Variants in OOSP2 observed in about 807,000 individuals in gnomAD.
The protein encoded by OOSP2 is oocyte secreted protein 2.
OOSP2 carries 7 observed loss-of-function variants against 13.4 expected under a neutral mutation model. The observed-to-expected ratio is 0.52, with a 90% CI of 0.30 to 0.98. The LOEUF is 0.98. Among genes scored for constraint, OOSP2 ranks in the 50% least tolerant of loss-of-function variants. The pLI, the probability that OOSP2 is intolerant of heterozygous loss-of-function variation, is 0.07. For synonymous variants in OOSP2, 75 were observed against 67.2 expected (o/e 1.12, Z -0.57); for missense variants, 184 against 188.5 (o/e 0.98, Z 0.14).
At chr11:60,043,951 G>T (rs963862690) in intron 2 of OOSP2, among the ~76,000 whole-genome samples, 2 of 152,120 alleles carry the variant, frequency 1.3e-5, no homozygotes, top group Non-Finnish European at 2.9e-5. Flanking sequence ...AATGTGGAAG[G>T]TCACCAATCT....
Position 60,047,170 on chromosome 11 carries a change from T to G in OOSP2, c.*97T>G. 1 of 980,456 alleles carries G rather than the reference T, an allele frequency of 1.0e-6. No individual in the cohort carries two copies. Among genetic ancestry groups the G allele is most frequent in the Non-Finnish European group, 1.5e-6 (1 of 657,670 alleles). The allele number at this position is 980,456 out of a possible 1,614,324, so 60.7% of individuals were successfully genotyped here. A position where few individuals can be genotyped will look rare whatever the true frequency, so the allele number is the denominator to read the frequency against. On this transcript the variant is annotated 3_prime_UTR_variant, in exon 4 of 4. Transcript: ENST00000278855. ...CAAAAATATAGTTGGTGTATATCTC[T>G]CCTTAAGTCTCTGGTTTCTAAAAAC... is the stretch of plus-strand genomic sequence containing the variant.
At position 60,043,512 on chromosome 11, in the gene OOSP2, C is replaced by G; in HGVS notation, c.108C>G (p.Ile36Met). The G allele has an allele frequency of 6.2e-7, 1 of 1,613,294 alleles. No homozygotes were observed. Among genetic ancestry groups the G allele is most frequent in the African/African-American group, 1.3e-5 (1 of 74,996 alleles). ...CSLDWLMVSV[I>M]PVAESRNLYI... is the part of the protein sequence containing the mutation. ...TGGACTGGTTGATGGTCTCAGTTAT[C>G]CCAGTTGCAGAAAGCAGAAATCTGT... The change falls in exon 2 of 4, where the codon ATC becomes ATG. Residue 36 changes from isoleucine (I) to methionine (M), a missense_variant. Coordinates refer to ENST00000278855, the MANE Select transcript of OOSP2 (RefSeq NM_173801.5).
At chr11:60,041,093 G>A (rs1477834222) in intron 1 of OOSP2, among the ~76,000 whole-genome samples, 1 of 152,176 alleles carries the variant, frequency 6.6e-6, no homozygotes, top group Non-Finnish European at 1.5e-5. Flanking sequence ...GAATCCAAAT[G>A]CTTGCCAGCT....
In OOSP2 at chr11:60,040,440, C is replaced by T; in HGVS notation, c.-20C>T. 1 of 1,514,240 alleles carries T rather than the reference C, an allele frequency of 6.6e-7. No homozygotes were observed. The highest frequency in any genetic ancestry group is 1.1e-5 in the South Asian group (1 of 89,150). 93.8% of individuals were successfully genotyped at this position (1,514,240 alleles called of 1,614,324 possible). A position where few individuals can be genotyped will look rare whatever the true frequency, so the allele number is the denominator to read the frequency against. On this transcript the variant is annotated 5_prime_UTR_variant, in exon 1 of 4. Coordinates refer to ENST00000278855, the MANE Select transcript of OOSP2 (RefSeq NM_173801.5). Reference sequence around the variant, plus strand: ...TCCTGAGTTGTCCTGTGCTGGAGGTCTGCTCAGACGAAGGTCTCCATGGCG... The same window carrying T: ...TCCTGAGTTGTCCTGTGCTGGAGGTTTGCTCAGACGAAGGTCTCCATGGCG...
chr11:60,042,375 C>T (rs1472049879), intron 1 of OOSP2, among the ~76,000 whole-genome samples: 1 of 152,206 alleles, frequency 6.6e-6, no homozygotes. Flanking sequence ...TAATGCAGGA[C>T]ATTTGCCTCT....
chr11:60,042,054 G>T (rs2134638517), intron 1 of OOSP2, among the ~76,000 whole-genome samples: 1 of 152,208 alleles, frequency 6.6e-6, no homozygotes, highest in East Asian at 1.9e-4. Context: ...GGGAGGCGGA[G>T]CTTGCAGTGA....
At chr11:60,046,854 C>A (rs1855014171) in intron 3 of OOSP2, 90 bp from the exon 4 acceptor site, 2 of 1,024,686 alleles carry the variant, frequency 2.0e-6, no homozygotes, top group South Asian at 1.3e-5. Context: ...AATGACTATT[C>A]TGTATATGAT....
At chr11:60,045,433 T>C (rs1002811117) in intron 3 of OOSP2, among the ~76,000 whole-genome samples, 8 of 152,092 alleles carry the variant, frequency 5.3e-5, no homozygotes, top group African/African-American at 1.9e-4. Flanking sequence ...TGAAGAACCT[T>C]GGAAACTATC....
chr11:60,044,432 T>C (rs1456136267), intron 2 of OOSP2, among the ~76,000 whole-genome samples: 1 of 152,238 alleles, frequency 6.6e-6, no homozygotes, highest in African/African-American at 2.4e-5. Context: ...AAGATGGCTG[T>C]AAGCGGCAGT....
At chr11:60,042,968 G>C (rs1370322008) in intron 1 of OOSP2, among the ~76,000 whole-genome samples, 1 of 151,418 alleles carries the variant, frequency 6.6e-6, no homozygotes, top group Non-Finnish European at 1.5e-5. Context: ...GCAGTGGCGC[G>C]ATCTTGGTTC....
chr11:60,047,138 T>C lies in OOSP2; in HGVS notation c.*65T>C, dbSNP rs1855019334. 1 of 1,383,444 alleles carries C rather than the reference T, an allele frequency of 7.2e-7. No homozygotes were observed. The highest frequency in any genetic ancestry group is 1.3e-5 in the South Asian group (1 of 74,944). 85.7% of individuals were successfully genotyped at this position (1,383,444 alleles called of 1,614,324 possible). The stretch of plus-strand genomic sequence containing the variant: ...TTTTGCAGGAAAACAGTTTCATTTT[T>C]TCATAGCAAAAATATAGTTGGTGTA... On this transcript the variant is annotated 3_prime_UTR_variant, in exon 4 of 4. Coordinates refer to ENST00000278855, the MANE Select transcript of OOSP2 (RefSeq NM_173801.5).
Position 60,046,078 on chromosome 11 carries a change from GTCTCTC to G in OOSP2, c.348-858_348-853del, listed in dbSNP as rs141999476. Among the ~76,000 whole-genome samples the G allele has an allele frequency of 7.5e-5, 11 of 146,288 alleles. No individual in the cohort carries two copies. The East Asian group carries it at 2.2e-3, about 30-fold the overall frequency. ...TGTCTTTGTCTGTCTCTCTCTGTCT[GTCTCTC>G]TCTCTCTGTCTCTGTCCCTGTCTCT... is the stretch of plus-strand genomic sequence containing the variant. On this transcript the variant is annotated intron_variant, in intron 3 of 3. Coordinates refer to ENST00000278855, the MANE Select transcript of OOSP2 (RefSeq NM_173801.5).
intron 1 of OOSP2, among the ~76,000 whole-genome samples, chr11:60,042,384 C>T (rs1854947078): frequency 6.6e-6 from 1 of 152,214 alleles, no homozygotes; most frequent in South Asian, 2.1e-4. Context: ...ACATTTGCCT[C>T]TACACCTTTT....
chr11:60,046,670 G>A lies in OOSP2; in HGVS notation c.348-274G>A, dbSNP rs1385229392. ...CTGGGTACATTGGTACTCTTCTAATGCAAGCATCACAAATTATCTAAGACC... is the reference window on the plus strand; with the variant it reads ...CTGGGTACATTGGTACTCTTCTAATACAAGCATCACAAATTATCTAAGACC... On this transcript the variant is annotated intron_variant, in intron 3 of 3. Transcript: ENST00000278855. 4 of 544,438 alleles carry A rather than the reference G, an allele frequency of 7.3e-6. No homozygotes were observed. In the East Asian group the frequency reaches 1.4e-4, roughly 18 times the overall value. 33.7% of individuals were successfully genotyped at this position (544,438 alleles called of 1,614,324 possible).
chr11:60,043,521 A>G lies in OOSP2; in HGVS notation c.117A>G (p.Ala39=). ...TGATGGTCTCAGTTATCCCAGTTGC[A>G]GAAAGCAGAAATCTGTATATATTTG... is the stretch of plus-strand genomic sequence containing the variant. ...DWLMVSVIPV[A]ESRNLYIFAD... The change falls in exon 2 of 4, where the codon GCA becomes GCG. Residue 39 remains alanine (A), a synonymous_variant. Transcript: ENST00000278855. The G allele has an allele frequency of 1.9e-6, 3 of 1,613,386 alleles. No homozygotes were observed. The highest frequency in any genetic ancestry group is 2.5e-6 in the Non-Finnish European group (3 of 1,179,340).
rs369422869 is a variant in OOSP2 at position 60,046,852 on chromosome 11, T to C, written c.348-92T>C. The C allele has an allele frequency of 1.9e-4, 196 of 1,015,940 alleles. 2 individuals carry two copies. In the African/African-American group the frequency reaches 2.7e-3, roughly 14 times the overall value. 62.9% of individuals were successfully genotyped at this position (1,015,940 alleles called of 1,614,324 possible). ...TCTATGCCATACTCCTGAATGACTA[T>C]TCTGTATATGATCATGATATTAAAC... On this transcript the variant is annotated intron_variant, in intron 3 of 3. Transcript: ENST00000278855.
In OOSP2 at chr11:60,043,627, G is replaced by T. The variant is rs1854969254; in HGVS notation, c.223G>T (p.Asp75Tyr). The change falls in exon 2 of 4, where the codon GAT (aspartate) becomes TAT (tyrosine). Residue 75 changes from aspartate to tyrosine, a missense_variant. Asp to Tyr is a radical substitution (Grantham distance 160). Transcript: ENST00000278855. ...YVYEFIYLVR[D>Y]CGIRTRVVSE... is the part of the protein sequence containing the mutation. ...ATATGAGTTTATATATCTTGTTCGT[G>T]ATTGTGGCATCAGGACAAGGGTAAG... is the stretch of plus-strand genomic sequence containing the variant. 1.9e-6 allele frequency: 3 copies of T among 1,602,728 alleles called. No homozygotes were observed. Among genetic ancestry groups the T allele is most frequent in the Non-Finnish European group, 2.6e-6 (3 of 1,170,344 alleles).
At chr11:60,041,872 C>CAAAAAAAAAAAAAAAAAAAAAAAAA (rs1390816690) in intron 1 of OOSP2, among the ~76,000 whole-genome samples, 1 of 84,828 alleles carries the variant, frequency 1.2e-5, no homozygotes, top group African/African-American at 4.1e-5. Context: ...AAAAAAAAAG[C>CAAAAAAAAAAAAAAAAAAAAAAAAA]AAAACTCCGT....
chr11:60,046,211 G>GTCTC (rs919582791), intron 3 of OOSP2, among the ~76,000 whole-genome samples: 1 of 136,570 alleles, frequency 7.3e-6, no homozygotes, highest in East Asian at 2.5e-4. Context: ...CTCTCTCTCT[G>GTCTC]TCTCTCTCTC....
Sources: allele counts gnomAD v4.1 joint callset (sites outside exome capture counted in the v4.1 genomes callset), GRCh38; gene constraint gnomAD v4.1.1; transcripts MANE v1.5; gene names NCBI Gene and HGNC (gene_info 2026-07-23, HGNC 2026-07-21).